The following RGS3 variants were observed in gnomAD, a reference collection of about 807,000 sequenced individuals.
The protein encoded by RGS3 is regulator of G protein signaling 3, also known as regulator of G-protein signalling 3.
RGS3 carries 80 observed loss-of-function variants against 132.6 expected under a neutral mutation model. The observed-to-expected ratio is 0.60, with a 90% CI of 0.50 to 0.73. The LOEUF (loss-of-function observed/expected upper bound fraction) is 0.73, where lower values mean the gene tolerates loss of function less well. Ranked by LOEUF, RGS3 falls within the 30% of genes least tolerant of loss-of-function variation. The pLI is 0.00. For missense variants in RGS3, 1,382 were observed against 1,530.8 expected, an observed-to-expected ratio of 0.90 and a Z score of 1.62; for synonymous variants, 598 against 620.6, an observed-to-expected ratio of 0.96 and a Z score of 0.54.
chr9:113,531,610 A>G (rs1296859296), intron 18 of RGS3, among the ~76,000 whole-genome samples: 2 of 152,190 alleles, frequency 1.3e-5, no homozygotes, highest in East Asian at 3.8e-4. Flanking sequence ...ATCACAAATG[A>G]TTTATTGGTC....
chr9:113,570,417 C>G (rs1361347397), intron 19 of RGS3: 1 of 152,088 alleles, frequency 6.6e-6, no homozygotes, highest in Non-Finnish European at 1.5e-5. Flanking sequence ...AGCAGTGAGC[C>G]TCAGCCCAGG....
intron 19 of RGS3, among the ~76,000 whole-genome samples, chr9:113,568,461 G>T: frequency 6.6e-6 from 1 of 152,228 alleles, no homozygotes; most frequent in East Asian, 1.9e-4. Context: ...GTAGCAACTA[G>T]GGACTGGACC....
chr9:113,486,907 C>T (rs1830348223), intron 7 of RGS3, among the ~76,000 whole-genome samples: 1 of 152,074 alleles, frequency 6.6e-6, no homozygotes, highest in Non-Finnish European at 1.5e-5. Context: ...CATCCAGCTG[C>T]CATTTCCTGG....
rs570287735 is a variant in RGS3, at chr9:113,537,547, A to T, written c.2037+629A>T. On this transcript the variant is annotated intron_variant, in intron 19 of 24. Coordinates refer to ENST00000350696, the Ensembl canonical transcript of RGS3. The surrounding 1 kb of genome is among the most constrained non-coding windows in gnomAD (Gnocchi z 4.3). ...GGACCACACAGCCTTCCCCTTTGAC[A>T]CTCCGATGCCAGCCACAAAGTACAG... is the stretch of plus-strand genomic sequence containing the variant. 4.6e-5 allele frequency among the ~76,000 whole-genome samples: 7 copies of T among 151,834 alleles called. No individual in the cohort carries two copies. In the East Asian group the frequency reaches 9.7e-4, roughly 21 times the overall value.
chr9:113,537,229 C>T lies in RGS3; in HGVS notation c.2037+311C>T, dbSNP rs1832717903. Among the ~76,000 whole-genome samples the T allele has an allele frequency of 6.6e-6, 1 of 152,250 alleles. No individual in the cohort carries two copies. Among genetic ancestry groups the T allele is most frequent in the Non-Finnish European group, 1.5e-5 (1 of 68,040 alleles). On this transcript the variant is annotated intron_variant, in intron 19 of 24. Transcript: ENST00000350696. The surrounding 1 kb of genome is among the most constrained non-coding windows in gnomAD (Gnocchi z 4.3). ...ATTCGGGCTGGCCTCCCTGATGCTG[C>T]CTGGCATGCGTTCACCTCTGCCATT...
At chr9:113,446,475 A>G (rs1412081160) in intron 1 of RGS3, among the ~76,000 whole-genome samples, 4 of 152,210 alleles carry the variant, frequency 2.6e-5, no homozygotes, top group Admixed American at 2.6e-4. Context: ...TTTCCTTGAC[A>G]CCTTTCAAAT....
intron 19 of RGS3, among the ~76,000 whole-genome samples, chr9:113,566,325 G>A (rs1405413772): frequency 1.3e-5 from 2 of 152,216 alleles, no homozygotes; most frequent in Admixed American, 1.3e-4. Flanking sequence ...CTTGGCTCCA[G>A]CTGAGACCCA....
chr9:113,546,073 T>A (rs1160904500), intron 19 of RGS3, among the ~76,000 whole-genome samples: 1 of 152,206 alleles, frequency 6.6e-6, no homozygotes, highest in Non-Finnish European at 1.5e-5. Context: ...GCCACTGTCT[T>A]CAGAGTAAAG....
intron 16 of RGS3, among the ~76,000 whole-genome samples, chr9:113,520,818 A>G (rs1438028897): frequency 6.6e-6 from 1 of 151,514 alleles, no homozygotes; most frequent in Non-Finnish European, 1.5e-5. Flanking sequence ...TCTTAACATT[A>G]TTATTATCAT....
chr9:113,455,197 T>C lies in RGS3; in HGVS notation c.-12-5048T>C, dbSNP rs1006336334. 5.9e-5 allele frequency among the ~76,000 whole-genome samples: 9 copies of C among 152,384 alleles called. No homozygotes were observed. In the South Asian group the frequency reaches 1.9e-3, roughly 32 times the overall value. On this transcript the variant is annotated intron_variant, in intron 1 of 25. Transcript: ENST00000374140. ...GGGATCACTGTCCTTCGTTGCCTGA[T>C]GTACAATATCTTAAAAACCATTGTT... is the stretch of plus-strand genomic sequence containing the variant.
chr9:113,478,139 C>T (rs1051471080), intron 3 of RGS3, among the ~76,000 whole-genome samples: 5 of 151,980 alleles, frequency 3.3e-5, no homozygotes, highest in African/African-American at 1.2e-4. Context: ...GGGGATAAAC[C>T]TCACCCGGCC....
chr9:113,536,590 C>A, intron 18 of RGS3: 1 of 1,395,622 alleles, frequency 7.2e-7, no homozygotes, highest in Non-Finnish European at 9.3e-7. Context: ...GCCCACAGCT[C>A]GCCAGCTGGC....
chr9:113,596,772 A>G, exon 25 of RGS3: 1 of 1,609,094 alleles, frequency 6.2e-7, no homozygotes, highest in Admixed American at 1.7e-5. Flanking sequence ...CCCCAGGTCA[A>G]CCTGGACTCC....
intron 3 of RGS3, among the ~76,000 whole-genome samples, chr9:113,470,727 G>C (rs774918988): frequency 2.0e-5 from 3 of 152,172 alleles, no homozygotes; most frequent in Non-Finnish European, 4.4e-5. Flanking sequence ...CACTTTGGGA[G>C]GCCAAGGCAG....
Position 113,506,302 on chromosome 9 carries a change from G to A in RGS3, c.980-86G>A. On this transcript the variant is annotated intron_variant, in intron 11 of 24. Transcript: ENST00000350696. The surrounding 1 kb of genome is among the most constrained non-coding windows in gnomAD (Gnocchi z 4.7). ...AGAAAAAGGGAGGTCCTTGTCTGAG[G>A]TCACCATGGCAGCAAAGGACTCCAG... The A allele has an allele frequency of 1.3e-6, 1 of 788,946 alleles. No homozygotes were observed. Among genetic ancestry groups the A allele is most frequent in the Non-Finnish European group, 2.1e-6 (1 of 472,648 alleles). The allele number at this position is 788,946 out of a possible 1,614,324, so 48.9% of individuals were successfully genotyped here.
chr9:113,571,684 G>C (rs972812882), intron 19 of RGS3, among the ~76,000 whole-genome samples: 1 of 152,096 alleles, frequency 6.6e-6, no homozygotes, highest in Non-Finnish European at 1.5e-5. Flanking sequence ...ACTCTCTTAA[G>C]GGTATATTTG....
rs1588121770 is a variant in RGS3 at position 113,445,765 on chromosome 9, G to A, written c.-13+838G>A. ...GCAATCTCTGCTCATTGCAACCTCC[G>A]CCGCCTGGGTTCAAGCGATTCTTGT... On this transcript the variant is annotated intron_variant, in intron 1 of 25. Coordinates refer to the RGS3 transcript ENST00000374140. Among the ~76,000 whole-genome samples, 2 of 152,138 alleles carry A rather than the reference G, an allele frequency of 1.3e-5. 1 individual carries two copies. Among genetic ancestry groups the A allele is most frequent in the Admixed American group, 1.3e-4 (2 of 15,272 alleles).
Position 113,484,181 on chromosome 9 carries a change from C to T in RGS3, c.569C>T (p.Thr190Met), listed in dbSNP as rs769814768. ...GATAGTAGACTACGCCACCAGAAGA[C>T]GCAGACCGTTCCAGACTGCAGAGAC... Residue 190 changes from threonine (T) to methionine (M), a missense_variant, in exon 6 of 25, where the codon ACG (threonine) becomes ATG (methionine). Transcript: ENST00000350696. 9 of 1,613,166 alleles carry T rather than the reference C, an allele frequency of 5.6e-6. No homozygotes were observed. Among genetic ancestry groups the T allele is most frequent in the African/African-American group, 2.7e-5 (2 of 74,988 alleles).
At chr9:113,584,705 C>T (rs1835034421) in intron 20 of RGS3, among the ~76,000 whole-genome samples, 1 of 152,198 alleles carries the variant, frequency 6.6e-6, no homozygotes, top group Non-Finnish European at 1.5e-5. Flanking sequence ...TTAGCCCAGG[C>T]CATTGTGTAT....
Sources: allele counts gnomAD v4.1 joint callset (sites outside exome capture counted in the v4.1 genomes callset), GRCh38; gene constraint gnomAD v4.1.1; non-coding constraint Gnocchi (gnomAD v3.1); transcripts MANE v1.5; gene names NCBI Gene and HGNC (gene_info 2026-07-23, HGNC 2026-07-21).